Variants in FAM47E observed in about 807,000 individuals in gnomAD.
The protein encoded by FAM47E is family with sequence similarity 47 member E.
Under a neutral mutation model 41.6 loss-of-function variants are expected in FAM47E, and 32 were observed. That is an observed-to-expected ratio of 0.77 (90% CI 0.58 to 1.03). The LOEUF is 1.03. Among genes scored for constraint, FAM47E ranks in the 50% least tolerant of loss-of-function variants. The pLI is 0.00. For missense variants in FAM47E, 424 were observed against 485.4 expected, an observed-to-expected ratio of 0.87 and a Z score of 1.19; for synonymous variants, 184 against 188.7, an observed-to-expected ratio of 0.98 and a Z score of 0.20.
chr4:76,263,879 C>A, intron 3 of FAM47E, 36 bp downstream of exon 3: 1 of 1,542,494 alleles, frequency 6.5e-7, no homozygotes, highest in South Asian at 1.2e-5. Context: ...TCATTGCTGT[C>A]ACCTGATGAA....
At chr4:76,234,446 A>G (rs975517920) in intron 2 of FAM47E, 3 of 152,222 alleles carry the variant, frequency 2.0e-5, no homozygotes, top group Admixed American at 1.3e-4. Flanking sequence ...TACTGGGTGA[A>G]AAGGAAGAAA....
intron 5 of FAM47E, among the ~76,000 whole-genome samples, chr4:76,275,210 G>A (rs938248043): frequency 6.6e-6 from 1 of 152,146 alleles, no homozygotes; most frequent in Non-Finnish European, 1.5e-5. Flanking sequence ...GGTCTTTGGT[G>A]TATGAGCTTT....
intron 2 of FAM47E, among the ~76,000 whole-genome samples, chr4:76,231,377 G>T (rs1407230905): frequency 6.6e-6 from 1 of 152,210 alleles, no homozygotes; most frequent in Non-Finnish European, 1.5e-5. Flanking sequence ...GCTGCAGCTG[G>T]AGACTGCCGG....
intron 2 of FAM47E, among the ~76,000 whole-genome samples, chr4:76,226,278 A>G (rs1402076857): frequency 6.6e-6 from 1 of 152,178 alleles, no homozygotes; most frequent in African/African-American, 2.4e-5. Context: ...TAAACAGGTG[A>G]GGACATGAGG....
chr4:76,222,523 C>T (rs999102743), intron 2 of FAM47E, among the ~76,000 whole-genome samples: 4 of 152,200 alleles, frequency 2.6e-5, no homozygotes, highest in Admixed American at 6.5e-5. Context: ...CCACCGTGCC[C>T]GGCCTTTTTC....
At chr4:76,265,877 C>T (rs1021406717) in intron 3 of FAM47E, among the ~76,000 whole-genome samples, 1 of 152,226 alleles carries the variant, frequency 6.6e-6, no homozygotes, top group Admixed American at 6.5e-5. Context: ...GCGACACCAA[C>T]TTCCACTCAC....
At chr4:76,282,035 CATA>C (rs1735371352) in intron 7 of FAM47E, 3 of 151,084 alleles carry the variant, frequency 2.0e-5, no homozygotes, top group African/African-American at 7.3e-5. Flanking sequence ...AATTCTTTAA[CATA>C]ACATTTGTAT....
At chr4:76,280,610 T>C in intron 7 of FAM47E, 1 of 329,760 alleles carries the variant, frequency 3.0e-6, no homozygotes, top group Non-Finnish European at 5.6e-6. Context: ...TCCTTGGATT[T>C]GGCCTCAATA....
intron 2 of FAM47E, among the ~76,000 whole-genome samples, chr4:76,227,696 T>C (rs1396614165): frequency 1.3e-5 from 2 of 152,174 alleles, no homozygotes; most frequent in Non-Finnish European, 2.9e-5. Flanking sequence ...TTTTATAAAT[T>C]TGGGAGCTCC....
intron 2 of FAM47E, among the ~76,000 whole-genome samples, chr4:76,229,567 G>C (rs968951908): frequency 2.6e-5 from 4 of 152,142 alleles, no homozygotes; most frequent in African/African-American, 9.7e-5. Context: ...CTTTCCCTAG[G>C]GACGTGGCTT....
chr4:76,252,642 G>A (rs371990939), intron 1 of FAM47E, among the ~76,000 whole-genome samples: 2 of 152,138 alleles, frequency 1.3e-5, no homozygotes, highest in Admixed American at 6.5e-5. Context: ...CACATAGAAC[G>A]TATCGTGTAC....
At chr4:76,272,686 A>T (rs2110021220) in intron 5 of FAM47E, among the ~76,000 whole-genome samples, 1 of 152,308 alleles carries the variant, frequency 6.6e-6, no homozygotes, top group South Asian at 2.1e-4. Flanking sequence ...AAATGGTATT[A>T]GACAGGCAAA....
chr4:76,254,317 C>T (rs1331792951), intron 1 of FAM47E, among the ~76,000 whole-genome samples: 1 of 152,086 alleles, frequency 6.6e-6, no homozygotes, highest in African/African-American at 2.4e-5. Context: ...TGCTTGGATG[C>T]ATGAGTTAGT....
intron 2 of FAM47E, among the ~76,000 whole-genome samples, chr4:76,218,968 A>G (rs934152030): frequency 6.6e-6 from 1 of 152,152 alleles, no homozygotes; most frequent in East Asian, 1.9e-4. Flanking sequence ...TATTTTAAGG[A>G]TAAGGAAACT....
chr4:76,278,334 C>T (rs529698026), intron 6 of FAM47E, 110 bp downstream of exon 6: 45 of 1,193,806 alleles, frequency 3.8e-5, no homozygotes, highest in Non-Finnish European at 4.6e-5. Flanking sequence ...CTCCTGAAAG[C>T]CCTCCACCTT....
chr4:76,268,736 G>C lies in FAM47E; in HGVS notation c.637G>C (p.Glu213Gln). ...GCCACATAAAATGGATTTGCTCCAT[G>C]AAAATGGTCCTCGTCCTGGTCTTCA... The part of the protein sequence containing the change: ...EKPHKMDLLH[E>Q]NGPRPGLHEN... The change falls in exon 4 of 8, where the codon GAA becomes CAA. Residue 213 changes from glutamate to glutamine, a missense_variant. Coordinates refer to ENST00000424749, the MANE Select transcript of FAM47E (RefSeq NM_001136570.3). 6.4e-7 allele frequency: 1 copy of C among 1,551,536 alleles called. No homozygotes were observed. Among genetic ancestry groups the C allele is most frequent in the Non-Finnish European group, 8.7e-7 (1 of 1,146,926 alleles).
chr4:76,280,481 C>T, intron 7 of FAM47E, 140 bp downstream of exon 7: 2 of 512,844 alleles, frequency 3.9e-6, no homozygotes, highest in South Asian at 3.3e-5. Context: ...GAAGAAAGGG[C>T]ATGCTTCTCC....
rs1339076298 is a variant in FAM47E at position 76,283,564 on chromosome 4, G to A, written c.*106G>A. 1 of 681,384 alleles carries A rather than the reference G, an allele frequency of 1.5e-6. No individual in the cohort carries two copies. Among genetic ancestry groups the A allele is most frequent in the African/African-American group, 1.8e-5 (1 of 55,308 alleles). 42.2% of individuals were successfully genotyped at this position (681,384 alleles called of 1,614,324 possible). On this transcript the variant is annotated 3_prime_UTR_variant, in exon 8 of 8. Transcript: ENST00000424749. The stretch of plus-strand genomic sequence containing the variant: ...GAGTTTATGATGAGTGTCCCACTGT[G>A]GATGTTCAACTTTGACTTGGCAACA...
chr4:76,240,580 T>G (rs1031054900), intron 2 of FAM47E, among the ~76,000 whole-genome samples: 1 of 152,140 alleles, frequency 6.6e-6, no homozygotes, highest in Non-Finnish European at 1.5e-5. Flanking sequence ...TTTTCTTCAA[T>G]TTTTTTCTTT....
Sources: gnomAD v4.1 joint callset for allele counts (sites outside exome capture counted in the v4.1 genomes callset) on GRCh38, gnomAD v4.1.1 for gene constraint, MANE v1.5 for transcripts, NCBI Gene and HGNC (gene_info 2026-07-23, HGNC 2026-07-21) for gene names.